GALNTL6: variants seen among roughly 807,000 people sequenced by gnomAD.
GALNTL6 encodes the protein polypeptide N-acetylgalactosaminyltransferase like 6.
A neutral mutation model predicts 73.7 loss-of-function variants in GALNTL6; 46 were observed. The observed-to-expected ratio is 0.62, with a 90% CI of 0.49 to 0.80. GALNTL6 has a LOEUF of 0.80. Among genes scored for constraint, GALNTL6 ranks in the 30% least tolerant of loss-of-function variants. GALNTL6 has a pLI of 0.00. For synonymous variants in GALNTL6, 259 were observed against 263.7 expected (o/e 0.98, Z 0.17); for missense variants, 604 against 755.0 (o/e 0.80, Z 2.34).
At chr4:171,952,295 A>T (rs536145809) in intron 2 of GALNTL6, among the ~76,000 whole-genome samples, 1 of 152,080 alleles carries the variant, frequency 6.6e-6, no homozygotes, top group African/African-American at 2.4e-5. Context: ...CATAAAGTAC[A>T]TGGAATTGTG....
At chr4:172,346,704 A>G (rs550384061) in intron 4 of GALNTL6, among the ~76,000 whole-genome samples, 1 of 152,262 alleles carries the variant, frequency 6.6e-6, no homozygotes, top group East Asian at 1.9e-4. Context: ...GTTTTATCTC[A>G]ACTTTGGAGC....
intron 5 of GALNTL6, among the ~76,000 whole-genome samples, chr4:172,411,161 G>A (rs1324498049): frequency 6.6e-6 from 1 of 152,088 alleles, no homozygotes; most frequent in Non-Finnish European, 1.5e-5. Context: ...AAACATGAAT[G>A]TGTGTTTGCT....
chr4:172,032,071 A>T (rs1741787870), intron 2 of GALNTL6, among the ~76,000 whole-genome samples: 1 of 152,142 alleles, frequency 6.6e-6, no homozygotes. Flanking sequence ...CCAGTAAAGG[A>T]GTAAAATATT....
chr4:172,814,845 G>A (rs760655241), intron 7 of GALNTL6, among the ~76,000 whole-genome samples: 3 of 152,110 alleles, frequency 2.0e-5, no homozygotes, highest in Non-Finnish European at 2.9e-5. Flanking sequence ...GATACCACGC[G>A]AGAGAAGTCG....
intron 5 of GALNTL6, among the ~76,000 whole-genome samples, chr4:172,590,656 G>A (rs1737599742): frequency 6.6e-6 from 1 of 152,132 alleles, no homozygotes; most frequent in Non-Finnish European, 1.5e-5. Context: ...AATGTAGGCG[G>A]TTAAGTTTTC....
intron 5 of GALNTL6, among the ~76,000 whole-genome samples, chr4:172,488,376 G>C (rs1264935857): frequency 1.3e-5 from 2 of 152,134 alleles, no homozygotes; most frequent in East Asian, 3.9e-4. Context: ...GCCTCACCTG[G>C]GAAGATGGTG....
chr4:172,411,672 T>G (rs1744441829), intron 5 of GALNTL6, among the ~76,000 whole-genome samples: 1 of 151,692 alleles, frequency 6.6e-6, no homozygotes, highest in Non-Finnish European at 1.5e-5. Flanking sequence ...TGTAGCCTCT[T>G]CCAGTTGTCC....
intron 3 of GALNTL6, among the ~76,000 whole-genome samples, chr4:172,231,194 G>T (rs1737057360): frequency 6.6e-6 from 1 of 151,968 alleles, no homozygotes. Flanking sequence ...CTATTTGCTT[G>T]ATCAACCCTA....
At chr4:172,037,381 T>C (rs1741957172) in intron 2 of GALNTL6, among the ~76,000 whole-genome samples, 1 of 152,292 alleles carries the variant, frequency 6.6e-6, no homozygotes, top group Admixed American at 6.5e-5. Flanking sequence ...TCATTCTCCA[T>C]AGCATCTATT....
chr4:171,853,486 C>CTTACA (rs1735586525), intron 2 of GALNTL6, among the ~76,000 whole-genome samples: 1 of 145,934 alleles, frequency 6.9e-6, no homozygotes, highest in Non-Finnish European at 1.5e-5. Flanking sequence ...TCTGTTCTTT[C>CTTACA]TTACATTTTT....
intron 2 of GALNTL6, among the ~76,000 whole-genome samples, chr4:172,040,551 C>T (rs1742055805): frequency 6.6e-6 from 1 of 151,942 alleles, no homozygotes; most frequent in Non-Finnish European, 1.5e-5. Flanking sequence ...CAATTTCTAC[C>T]ATGCCATTAA....
chr4:172,631,007 A>T (rs939729713), intron 5 of GALNTL6, among the ~76,000 whole-genome samples: 1 of 152,004 alleles, frequency 6.6e-6, no homozygotes, highest in African/African-American at 2.4e-5. Flanking sequence ...CTGTATGAAA[A>T]ATGTAATTGA....
At chr4:172,635,658 T>C (rs991908848) in intron 5 of GALNTL6, among the ~76,000 whole-genome samples, 8 of 152,212 alleles carry the variant, frequency 5.3e-5, no homozygotes, top group Non-Finnish European at 8.8e-5. Context: ...TGCCCTGTTT[T>C]TAAACATTCC....
intron 5 of GALNTL6, among the ~76,000 whole-genome samples, chr4:172,730,519 G>A (rs1736080643): frequency 1.3e-5 from 2 of 152,208 alleles, no homozygotes; most frequent in Non-Finnish European, 2.9e-5. Flanking sequence ...TTGATGTGAT[G>A]TAACACATTT....
chr4:172,016,627 TG>T, intron 2 of GALNTL6, among the ~76,000 whole-genome samples: 1 of 152,224 alleles, frequency 6.6e-6, no homozygotes, highest in East Asian at 1.9e-4. Flanking sequence ...TGTGATATTT[TG>T]GGGGTTGTTA....
intron 5 of GALNTL6, among the ~76,000 whole-genome samples, chr4:172,591,023 A>G (rs1373944561): frequency 6.6e-6 from 1 of 152,174 alleles, no homozygotes; most frequent in Non-Finnish European, 1.5e-5. Context: ...GCCTTGGCTT[A>G]TAGGAACAAC....
chr4:172,519,916 A>G (rs1318298251), intron 5 of GALNTL6, among the ~76,000 whole-genome samples: 1 of 148,400 alleles, frequency 6.7e-6, no homozygotes, highest in Non-Finnish European at 1.5e-5. Flanking sequence ...ATGCTATCAT[A>G]AAAAAAAATA....
intron 5 of GALNTL6, among the ~76,000 whole-genome samples, chr4:172,424,182 T>C (rs960216145): frequency 2.6e-5 from 4 of 152,150 alleles, no homozygotes; most frequent in African/African-American, 4.8e-5. Context: ...CATTCAACTA[T>C]GCACTGAATT....
At chr4:172,027,096 T>C (rs998076967) in intron 2 of GALNTL6, among the ~76,000 whole-genome samples, 4 of 152,112 alleles carry the variant, frequency 2.6e-5, no homozygotes, top group Non-Finnish European at 5.9e-5. Context: ...TTTCACCATG[T>C]TGCCCAGGCT....
Sources: allele counts gnomAD v4.1 joint callset (sites outside exome capture counted in the v4.1 genomes callset), GRCh38; gene constraint gnomAD v4.1.1; transcripts MANE v1.5; gene names NCBI Gene and HGNC (gene_info 2026-07-23, HGNC 2026-07-21).